The following DNAH11 variants were observed in gnomAD, a reference collection of about 807,000 sequenced individuals.
DNAH11 encodes axonemal beta dynein heavy chain 11.
DNAH11 carries 442 observed loss-of-function variants against 526.0 expected under a neutral mutation model. That is an observed-to-expected ratio of 0.84 (90% confidence interval 0.78 to 0.91). The LOEUF (loss-of-function observed/expected upper bound fraction) is 0.91, where lower values mean the gene tolerates loss of function less well. Ranked by LOEUF, DNAH11 falls within the 40% of genes least tolerant of loss-of-function variation. The pLI is 0.00. For synonymous variants in DNAH11, 2,461 were observed against 1,935.9 expected, an observed-to-expected ratio of 1.27 and a Z score of -7.12; for missense variants, 6,989 against 5,448.7, an observed-to-expected ratio of 1.28 and a Z score of -8.90.
intron 30 of DNAH11, among the ~76,000 whole-genome samples, chr7:21,676,261 G>A (rs1038643153): frequency 8.5e-5 from 13 of 152,230 alleles, no homozygotes; most frequent in African/African-American, 3.1e-4. Flanking sequence ...AGGTAGACTT[G>A]AGCCAAGACA....
At chr7:21,580,243 T>C in intron 8 of DNAH11, among the ~76,000 whole-genome samples, 1 of 152,196 alleles carries the variant, frequency 6.6e-6, no homozygotes, top group South Asian at 2.1e-4. Context: ...TTTGTGACCT[T>C]AAGCCGTATG....
chr7:21,870,029 G>T (rs1410376607), intron 73 of DNAH11, among the ~76,000 whole-genome samples: 2 of 152,172 alleles, frequency 1.3e-5, no homozygotes, highest in African/African-American at 2.4e-5. Flanking sequence ...GTTCTCGTCA[G>T]TAGGCAATTC....
chr7:21,886,676 G>T (rs1784135484), intron 76 of DNAH11, among the ~76,000 whole-genome samples: 1 of 40,736 alleles, frequency 2.5e-5, no homozygotes, highest in Admixed American at 2.0e-4. Context: ...CCCTAGCTCT[G>T]GCCTGTGGCT....
intron 45 of DNAH11, among the ~76,000 whole-genome samples, chr7:21,727,676 G>A (rs1785187664): frequency 1.3e-5 from 2 of 152,146 alleles, no homozygotes; most frequent in Admixed American, 6.5e-5. Context: ...TATTTTGGGA[G>A]TGCTGTATGA....
In DNAH11 at chr7:21,861,990, C is replaced by T. The variant is rs756661134; in HGVS notation, c.11340C>T (p.Asp3780=). ...CCAGCCAGGCGCTGTTTGAGAAGGA[C>T]AAGCTCACCTTCCTGTCCCAGATGG... is the stretch of plus-strand genomic sequence containing the variant. ...LYTSQALFEK[D]KLTFLSQMAF... Residue 3780 remains aspartate, a synonymous_variant, in exon 69 of 82, where the codon GAC becomes GAT. Transcript: ENST00000409508. 6.2e-7 allele frequency: 1 copy of T among 1,613,390 alleles called. No homozygotes were observed. Among genetic ancestry groups the T allele is most frequent in the Non-Finnish European group, 8.5e-7 (1 of 1,179,650 alleles).
chr7:21,805,504 G>A (rs1254885808), intron 62 of DNAH11, among the ~76,000 whole-genome samples: 2 of 152,034 alleles, frequency 1.3e-5, no homozygotes, highest in African/African-American at 4.8e-5. Context: ...GCTCTTCTTA[G>A]GTGAGTTGAG....
At chr7:21,793,514 G>C (rs536479065) in intron 61 of DNAH11, among the ~76,000 whole-genome samples, 4 of 152,014 alleles carry the variant, frequency 2.6e-5, no homozygotes, top group Non-Finnish European at 4.4e-5. Flanking sequence ...TACTCAGAAG[G>C]CTGAGGCAGG....
chr7:21,899,531 G>A lies in DNAH11; in HGVS notation c.13162+83G>A, dbSNP rs72658829. 0.03 allele frequency: 32,990 copies of A among 1,087,768 alleles called. 744 individuals carry two copies. Among genetic ancestry groups the A allele is most frequent in the Non-Finnish European group, 0.036 (26,417 of 737,634 alleles). 67.4% of individuals were successfully genotyped at this position (1,087,768 alleles called of 1,614,324 possible). On this transcript the variant is annotated intron_variant, in intron 80 of 81. Coordinates refer to ENST00000409508, the MANE Select transcript of DNAH11 (RefSeq NM_001277115.2). ...CCCTGCTTTGTTTACCTATGATGGC[G>A]TCTCCTTGCCCTGCTCACCAATCCT...
chr7:21,894,343 T>G (rs2128048698), intron 77 of DNAH11, among the ~76,000 whole-genome samples: 1 of 152,336 alleles, frequency 6.6e-6, no homozygotes, highest in South Asian at 2.1e-4. Flanking sequence ...GTTAAGTGAG[T>G]AAACTGCAAA....
intron 56 of DNAH11, among the ~76,000 whole-genome samples, chr7:21,775,795 A>C (rs756742738): frequency 2.0e-5 from 3 of 152,156 alleles, no homozygotes; most frequent in Non-Finnish European, 4.4e-5. Flanking sequence ...GGGCTAGATA[A>C]GACGAGGAAG....
intron 30 of DNAH11, among the ~76,000 whole-genome samples, chr7:21,679,362 A>G (rs1783045641): frequency 6.6e-6 from 1 of 152,192 alleles, no homozygotes; most frequent in Non-Finnish European, 1.5e-5. Context: ...TATACTTGAA[A>G]TTTGCTAAGA....
chr7:21,601,246 T>C, intron 17 of DNAH11, 67 bp downstream of exon 17: 1 of 1,518,858 alleles, frequency 6.6e-7, no homozygotes, highest in Non-Finnish European at 8.9e-7. Context: ...GAGATGTTAC[T>C]TTTAAGCGTA....
At chr7:21,696,948 C>A (rs980005444) in intron 35 of DNAH11, among the ~76,000 whole-genome samples, 4 of 152,122 alleles carry the variant, frequency 2.6e-5, no homozygotes, top group African/African-American at 7.2e-5. Flanking sequence ...AGTCTTTGCT[C>A]TCTCCATTTA....
intron 25 of DNAH11, among the ~76,000 whole-genome samples, chr7:21,632,306 T>TC (rs1163484153): frequency 1.1e-4 from 16 of 152,184 alleles, no homozygotes; most frequent in Non-Finnish European, 2.1e-4. Context: ...GGATACATTT[T>TC]CCCCATTGCC....
intron 9 of DNAH11, among the ~76,000 whole-genome samples, chr7:21,585,044 A>T (rs544751100): frequency 6.6e-6 from 1 of 152,234 alleles, no homozygotes; most frequent in South Asian, 2.1e-4. Context: ...ATTCTGTTAT[A>T]GTACCTGTCA....
Position 21,810,045 on chromosome 7 carries a change from T to C in DNAH11, c.10332+1996T>C, listed in dbSNP as rs78253443. Among the ~76,000 whole-genome samples the C allele has an allele frequency of 9.4e-3, 1,437 of 152,340 alleles. 34 individuals carry two copies. The highest frequency in any genetic ancestry group is 0.031 in the African/African-American group (1,277 of 41,572). On this transcript the variant is annotated intron_variant, in intron 63 of 81. Coordinates refer to ENST00000409508, the MANE Select transcript of DNAH11 (RefSeq NM_001277115.2). ...ATCATGTTATTGAATAGCATGAAAC[T>C]TTTTGTTTTCTTACTAATATTATGG...
chr7:21,669,731 T>A (rs1271447979), intron 30 of DNAH11, among the ~76,000 whole-genome samples: 1 of 152,042 alleles, frequency 6.6e-6, no homozygotes, highest in South Asian at 2.1e-4. Context: ...ATATTTCTGT[T>A]TCTCTCAAGG....
chr7:21,901,402 G>GAAAAAAATACT lies in DNAH11; in HGVS notation c.*150_*160dup. 8.7e-7 allele frequency: 1 copy of GAAAAAAATACT among 1,154,726 alleles called. No homozygotes were observed. Among genetic ancestry groups the GAAAAAAATACT allele is most frequent in the Non-Finnish European group, 1.1e-6 (1 of 887,798 alleles). The allele number at this position is 1,154,726 out of a possible 1,614,324, so 71.5% of individuals were successfully genotyped here. A position where few individuals can be genotyped will look rare whatever the true frequency, so the allele number is the denominator to read the frequency against. On this transcript the variant is annotated 3_prime_UTR_variant, in exon 82 of 82. Coordinates refer to ENST00000409508, the MANE Select transcript of DNAH11 (RefSeq NM_001277115.2). ...AACGCTATCCTTAGAGTGAAAGTCAGAAAAAAATACTAGAAACTAACTCAG... is the reference window on the plus strand; with the variant it reads ...AACGCTATCCTTAGAGTGAAAGTCAGAAAAAAATACTAAAAAAATACTAGAAACTAACTCAG...
chr7:21,604,609 C>T (rs1326822450), intron 18 of DNAH11, among the ~76,000 whole-genome samples: 1 of 152,190 alleles, frequency 6.6e-6, no homozygotes, highest in Non-Finnish European at 1.5e-5. Flanking sequence ...TTCAGTGTCA[C>T]CTCCTCCTTG....
Sources: gnomAD v4.1 joint callset for allele counts (sites outside exome capture counted in the v4.1 genomes callset) on GRCh38, gnomAD v4.1.1 for gene constraint, MANE v1.5 for transcripts, NCBI Gene and HGNC (gene_info 2026-07-23, HGNC 2026-07-21) for gene names.